Variants in ELP2 observed in about 807,000 individuals in gnomAD.
The protein encoded by ELP2 is elongator complex protein 2.
ELP2 carries 90 observed loss-of-function variants against 119.2 expected under a neutral mutation model. The ratio of observed to expected loss-of-function variants is 0.75; its 90% confidence interval spans 0.64 to 0.90. The LOEUF (loss-of-function observed/expected upper bound fraction) is 0.90, where lower values mean the gene tolerates loss of function less well. Ranked by LOEUF, ELP2 falls within the 40% of genes least tolerant of loss-of-function variation. The pLI is 0.00. For synonymous variants in ELP2, 339 were observed against 331.0 expected, an observed-to-expected ratio of 1.02 and a Z score of -0.26; for missense variants, 921 against 967.8, an observed-to-expected ratio of 0.95 and a Z score of 0.64.
intron 19 of ELP2, among the ~76,000 whole-genome samples, chr18:36,168,954 C>T (rs147435057): frequency 0.067 from 6,771 of 100,494 alleles, 226 homozygotes; most frequent in Middle Eastern, 0.15. Context: ...GATGGAGTTT[C>T]GCTCTTGTTG....
At position 36,160,982 on chromosome 18, in the gene ELP2, C is replaced by G; in HGVS notation, c.1739C>G (p.Thr580Ser). Residue 580 changes from threonine to serine, a missense_variant, in exon 17 of 22, where the codon ACT becomes AGT. By Grantham distance (58) the Thr-to-Ser change is moderately conservative (BLOSUM62 1). Transcript: ENST00000358232. ...TGTGTTACTTGTAACAGTTCAAAGACTCTGCTTGCCTCAGCTTGTAAGGTA... is the reference window on the plus strand; with the variant it reads ...TGTGTTACTTGTAACAGTTCAAAGAGTCTGCTTGCCTCAGCTTGTAAGGTA... ...IFCVTCNSSKTLLASACKAAK... is the reference protein window; with the variant it reads ...IFCVTCNSSKSLLASACKAAK... 6.2e-7 allele frequency: 1 copy of G among 1,613,592 alleles called. No homozygotes were observed. Among genetic ancestry groups the G allele is most frequent in the Non-Finnish European group, 8.5e-7 (1 of 1,179,600 alleles).
chr18:36,156,142 G>C lies in ELP2; in HGVS notation c.1276-324G>C, dbSNP rs115744694. ...GTTTCTGATAGAAATTCACGGAACTGACTGTGGGTCAGTCCGTAAGAGCTA... is the reference window on the plus strand; with the variant it reads ...GTTTCTGATAGAAATTCACGGAACTCACTGTGGGTCAGTCCGTAAGAGCTA... On this transcript the variant is annotated intron_variant, in intron 12 of 21. Coordinates refer to ENST00000358232, the MANE Select transcript of ELP2 (RefSeq NM_018255.4). 6.9e-3 allele frequency among the ~76,000 whole-genome samples: 1,057 copies of C among 152,316 alleles called. 14 individuals are homozygous for C. Among genetic ancestry groups the C allele is most frequent in the African/African-American group, 0.024 (979 of 41,574 alleles).
intron 11 of ELP2, 128 bp from the exon 12 acceptor site, chr18:36,154,722 C>T (rs2144712639): frequency 3.1e-6 from 3 of 956,850 alleles, no homozygotes; most frequent in Non-Finnish European, 4.9e-6. Context: ...TTCTGTGATC[C>T]GATCTTGTAT....
intron 1 of ELP2, among the ~76,000 whole-genome samples, chr18:36,130,947 C>T (rs532616625): frequency 6.6e-6 from 1 of 152,136 alleles, no homozygotes; most frequent in East Asian, 1.9e-4. Flanking sequence ...GTGGGAGCAT[C>T]GCTTGAGTCC....
chr18:36,170,311 CTTTTTTTTT>C (rs373174527), intron 20 of ELP2, 115 bp downstream of exon 20: 2 of 1,053,596 alleles, frequency 1.9e-6, no homozygotes, highest in South Asian at 1.5e-5. Flanking sequence ...TCTTTTTTTT[CTTTTTTTTT>C]TTTTGTTTTG....
At chr18:36,171,933 TG>T (rs1018455832) in intron 21 of ELP2, among the ~76,000 whole-genome samples, 1 of 152,178 alleles carries the variant, frequency 6.6e-6, no homozygotes, top group Non-Finnish European at 1.5e-5. Context: ...TTGGCCAGGC[TG>T]GTCTCCATAT....
At chr18:36,163,495 T>A (rs752713987) in intron 17 of ELP2, among the ~76,000 whole-genome samples, 17 of 152,142 alleles carry the variant, frequency 1.1e-4, no homozygotes, top group Non-Finnish European at 2.5e-4. Flanking sequence ...TTTTTTTTAA[T>A]TAGGCTGTGT....
chr18:36,170,311 CTT>C (rs373174527), intron 20 of ELP2, 115 bp downstream of exon 20: 4,136 of 1,029,894 alleles, frequency 4.0e-3, no homozygotes, highest in Non-Finnish European at 4.4e-3. Flanking sequence ...TCTTTTTTTT[CTT>C]TTTTTTTTTT....
chr18:36,150,728 C>T (rs1454450518), intron 11 of ELP2, among the ~76,000 whole-genome samples: 1 of 152,150 alleles, frequency 6.6e-6, no homozygotes, highest in Non-Finnish European at 1.5e-5. Flanking sequence ...GTTAATATTG[C>T]TTGAAGGTCA....
intron 14 of ELP2, 36 bp from the exon 15 acceptor site, chr18:36,159,699 T>C: frequency 6.8e-7 from 1 of 1,473,886 alleles, no homozygotes; most frequent in African/African-American, 1.4e-5. Flanking sequence ...GATATAAAAA[T>C]AGTGACTATA....
intron 14 of ELP2, 63 bp from the exon 15 acceptor site, chr18:36,159,672 T>C (rs1053449319): frequency 3.9e-6 from 5 of 1,266,952 alleles, no homozygotes; most frequent in Middle Eastern, 2.5e-4. Context: ...GGCCTTAATA[T>C]TGAGACAAGT....
In ELP2 at chr18:36,149,478, G is replaced by GTTTTTT. The variant is rs1239631733; in HGVS notation, c.1125+3101_1125+3102insTTTTTT. Among the ~76,000 whole-genome samples the GTTTTTT allele has an allele frequency of 2.4e-3, 152 of 64,496 alleles. 10 individuals carry two copies. Among genetic ancestry groups the GTTTTTT allele is most frequent in the East Asian group, 5.7e-3 (16 of 2,824 alleles). The allele number at this position is 64,496 out of a possible 152,430, so 42.3% of individuals were successfully genotyped here. A position where few individuals can be genotyped will look rare whatever the true frequency, so the allele number is the denominator to read the frequency against. On this transcript the variant is annotated intron_variant, in intron 11 of 21. Coordinates refer to ENST00000358232, the MANE Select transcript of ELP2 (RefSeq NM_018255.4). Reference sequence around the variant, plus strand: ...TAGAAACATAGTTGCAGGGTTTTTTGTTTTGTTTTGTTTTTTTTTTTTTTG... The same window carrying GTTTTTT: ...TAGAAACATAGTTGCAGGGTTTTTTGTTTTTTTTTTGTTTTGTTTTTTTTTTTTTTG...
intron 19 of ELP2, among the ~76,000 whole-genome samples, chr18:36,168,822 C>G (rs2090985183): frequency 6.6e-6 from 1 of 151,112 alleles, no homozygotes. Flanking sequence ...CTGAAATGTA[C>G]TTCTTCTTGC....
intron 18 of ELP2, among the ~76,000 whole-genome samples, chr18:36,166,319 G>GTTTTTTTTTGT (rs1568022192): frequency 4.2e-5 from 3 of 71,690 alleles, no homozygotes; most frequent in South Asian, 5.9e-4. Flanking sequence ...GTTTTTTAGG[G>GTTTTTTTTTGT]TTTTTTTTTT....
intron 2 of ELP2, 70 bp from the exon 3 acceptor site, chr18:36,136,237 T>C (rs924410340): frequency 9.4e-6 from 11 of 1,172,772 alleles, no homozygotes; most frequent in Non-Finnish European, 1.3e-5. Flanking sequence ...TTTTTTGGTG[T>C]AGCTTGGAAA....
Position 36,139,524 on chromosome 18 carries a change from C to T in ELP2, c.523+652C>T, listed in dbSNP as rs917595185. The T allele has an allele frequency of 2.1e-4, 328 of 1,535,614 alleles. No homozygotes were observed. The highest frequency in any genetic ancestry group is 2.6e-4 in the Non-Finnish European group (302 of 1,146,904). ...GACTCTATGGTTTCATGTTACGCTT[C>T]CATTCTGTGCAAGGCTCTGTGGAAG... On this transcript the variant is annotated intron_variant, in intron 5 of 21. Coordinates refer to ENST00000358232, the MANE Select transcript of ELP2 (RefSeq NM_018255.4).
At chr18:36,139,941 T>C (rs1038517410) in intron 5 of ELP2, among the ~76,000 whole-genome samples, 4 of 151,872 alleles carry the variant, frequency 2.6e-5, no homozygotes, top group African/African-American at 9.7e-5. Context: ...CTCAAACTCC[T>C]GGGCTCAGGT....
intron 3 of ELP2, among the ~76,000 whole-genome samples, chr18:36,136,884 C>G (rs2089844453): frequency 6.6e-6 from 1 of 152,140 alleles, no homozygotes; most frequent in Non-Finnish European, 1.5e-5. Context: ...TTACAAGACT[C>G]TTCTCAGTGC....
intron 17 of ELP2, among the ~76,000 whole-genome samples, chr18:36,164,165 T>C (rs898608722): frequency 2.0e-5 from 3 of 152,016 alleles, no homozygotes; most frequent in Non-Finnish European, 4.4e-5. Flanking sequence ...ATTTTATTTT[T>C]CCCCCTCCAT....
Sources: gnomAD v4.1 joint callset for allele counts (sites outside exome capture counted in the v4.1 genomes callset) on GRCh38, gnomAD v4.1.1 for gene constraint, MANE v1.5 for transcripts, NCBI Gene and HGNC (gene_info 2026-07-23, HGNC 2026-07-21) for gene names.